The following PTN variants were observed in gnomAD, a reference collection of about 807,000 sequenced individuals.
PTN encodes heparin affin regulatory protein.
In PTN, 18 loss-of-function variants were observed where a neutral mutation model predicts 24.1. The observed-to-expected ratio is 0.75, with a 90% CI of 0.52 to 1.11. PTN has a LOEUF of 1.11. Among genes scored for constraint, PTN ranks in the 50% least tolerant of loss-of-function variants. The pLI is 0.00. For missense variants in PTN, 163 were observed against 198.8 expected (o/e 0.82, Z 1.08); for synonymous variants, 78 against 68.6 (o/e 1.14, Z -0.67).
chr7:137,245,194 A>C (rs1252060814), intron 4 of PTN, among the ~76,000 whole-genome samples: 1 of 152,214 alleles, frequency 6.6e-6, no homozygotes, highest in Non-Finnish European at 1.5e-5. Flanking sequence ...AGCAAATATC[A>C]AACAAACAAA....
rs574185134 is a variant in PTN, at chr7:137,256,850, C to A, written c.-1-1876G>T. On this transcript the variant is annotated intron_variant, in intron 1 of 4. Coordinates refer to ENST00000348225, the MANE Select transcript of PTN (RefSeq NM_002825.7). The stretch of plus-strand genomic sequence containing the variant: ...AACAAAAACCCCATCAAAAACTGGG[C>A]AAAGGATATGACAGACACTTTTCAA... Among the ~76,000 whole-genome samples the A allele has an allele frequency of 4.6e-5, 7 of 152,138 alleles. No homozygotes were observed. In the South Asian group the frequency reaches 1.2e-3, roughly 27 times the overall value.
At chr7:137,258,569 G>A (rs1350344612) in intron 1 of PTN, among the ~76,000 whole-genome samples, 1 of 152,058 alleles carries the variant, frequency 6.6e-6, no homozygotes, top group African/African-American at 2.4e-5. Context: ...ATGAATAAAG[G>A]TTATTTAAAA....
At chr7:137,271,565 G>T (rs373489721) in intron 1 of PTN, among the ~76,000 whole-genome samples, 1 of 152,320 alleles carries the variant, frequency 6.6e-6, no homozygotes. Context: ...GATAGTAAAG[G>T]TATGTTTGTT....
intron 1 of PTN, among the ~76,000 whole-genome samples, chr7:137,275,049 C>T (rs1044334313): frequency 2.0e-5 from 3 of 152,096 alleles, no homozygotes; most frequent in Admixed American, 2.0e-4. Context: ...ATATAAAATG[C>T]CTGGCATCCT....
chr7:137,228,141 G>A (rs887466391), intron 4 of PTN, 66 bp from the exon 5 acceptor site: 1 of 1,010,682 alleles, frequency 9.9e-7, no homozygotes. Flanking sequence ...TAAATTGCAG[G>A]GAAGAAATAG....
chr7:137,337,256 CA>C (rs1462598363), intron 1 of PTN, among the ~76,000 whole-genome samples: 6 of 152,098 alleles, frequency 3.9e-5, no homozygotes, highest in African/African-American at 1.2e-4. Flanking sequence ...ACATGAGAGA[CA>C]AATGGGAGAT....
chr7:137,230,686 T>G (rs1808412234), intron 4 of PTN, among the ~76,000 whole-genome samples: 1 of 151,848 alleles, frequency 6.6e-6, no homozygotes. Flanking sequence ...TTGTCACTGC[T>G]TATCTCTGTG....
At chr7:137,340,408 C>T (rs545467694) in intron 1 of PTN, among the ~76,000 whole-genome samples, 7 of 152,120 alleles carry the variant, frequency 4.6e-5, no homozygotes, top group Admixed American at 2.6e-4. Context: ...AAAACTATGC[C>T]GCACACTAGA....
At chr7:137,297,556 T>G (rs1227803334) in intron 1 of PTN, among the ~76,000 whole-genome samples, 1 of 151,984 alleles carries the variant, frequency 6.6e-6, no homozygotes, top group Non-Finnish European at 1.5e-5. Context: ...AGGTGGAAAC[T>G]AGAAGGGGTC....
intron 1 of PTN, among the ~76,000 whole-genome samples, chr7:137,263,889 G>A (rs1225081431): frequency 6.6e-6 from 1 of 152,108 alleles, no homozygotes; most frequent in Non-Finnish European, 1.5e-5. Flanking sequence ...GGCTTAAATG[G>A]TCTGCAACTT....
chr7:137,321,724 A>C (rs1038079432), intron 1 of PTN, among the ~76,000 whole-genome samples: 1 of 152,180 alleles, frequency 6.6e-6, no homozygotes, highest in African/African-American at 2.4e-5. Context: ...TTTGGAATTC[A>C]AATATGTGGC....
At chr7:137,230,913 TTC>T (rs909781207) in intron 4 of PTN, among the ~76,000 whole-genome samples, 1 of 151,896 alleles carries the variant, frequency 6.6e-6, no homozygotes, top group Non-Finnish European at 1.5e-5. Context: ...TTGTCTGTTT[TTC>T]TCTCTAGTCT....
At chr7:137,246,977 G>A (rs1808734085) in intron 4 of PTN, among the ~76,000 whole-genome samples, 1 of 152,102 alleles carries the variant, frequency 6.6e-6, no homozygotes, top group Non-Finnish European at 1.5e-5. Flanking sequence ...TTGCTTTAAG[G>A]CTTAAATTAA....
At chr7:137,298,957 G>A (rs1809762041) in intron 1 of PTN, among the ~76,000 whole-genome samples, 1 of 151,928 alleles carries the variant, frequency 6.6e-6, no homozygotes, top group African/African-American at 2.4e-5. Context: ...GAGCTTTGGA[G>A]TAATTGGGAG....
chr7:137,273,975 C>G (rs114665111), intron 1 of PTN, among the ~76,000 whole-genome samples: 2 of 151,992 alleles, frequency 1.3e-5, no homozygotes, highest in African/African-American at 4.8e-5. Flanking sequence ...TTGTTTATTA[C>G]AAAAGTACTA....
At chr7:137,251,090 T>G (rs1302773068) in intron 4 of PTN, 140 bp downstream of exon 4, 3 of 976,554 alleles carry the variant, frequency 3.1e-6, no homozygotes, top group Non-Finnish European at 4.6e-6. Flanking sequence ...AGTATTTTTG[T>G]GACTCTCAGT....
intron 1 of PTN, among the ~76,000 whole-genome samples, chr7:137,324,433 A>AAAAAAAAAAAATATATATATATAT: frequency 4.5e-5 from 4 of 88,758 alleles, no homozygotes; most frequent in Admixed American, 1.5e-4. Context: ...AAAAAAAAAA[A>AAAAAAAAAAAATATATATATATAT]ATATATATAT....
intron 1 of PTN, among the ~76,000 whole-genome samples, chr7:137,265,172 T>C (rs908325904): frequency 6.6e-6 from 1 of 152,198 alleles, no homozygotes; most frequent in African/African-American, 2.4e-5. Context: ...TGTAGCTATT[T>C]GATTTCAAGC....
intron 1 of PTN, among the ~76,000 whole-genome samples, chr7:137,258,473 C>A (rs1167100764): frequency 1.3e-5 from 2 of 152,156 alleles, no homozygotes; most frequent in Admixed American, 6.6e-5. Flanking sequence ...CTGTTCTTCT[C>A]AGCCTCTTCT....
Sources: allele counts gnomAD v4.1 joint callset (sites outside exome capture counted in the v4.1 genomes callset), GRCh38; gene constraint gnomAD v4.1.1; transcripts MANE v1.5; gene names NCBI Gene and HGNC (gene_info 2026-07-23, HGNC 2026-07-21).